TLR6: variants seen among roughly 807,000 people sequenced by gnomAD.
The protein encoded by TLR6 is toll-like receptor 6.
In TLR6, 9 loss-of-function variants were observed where a neutral mutation model predicts 16.1. That is an observed-to-expected ratio of 0.56 (90% CI 0.34 to 0.98). The LOEUF is 0.98. Ranked by LOEUF, TLR6 falls within the 50% of genes least tolerant of loss-of-function variation. TLR6 has a pLI of 0.02. For missense variants in TLR6, 786 were observed against 921.0 expected, an observed-to-expected ratio of 0.85 and a Z score of 1.90; for synonymous variants, 340 against 338.6, an observed-to-expected ratio of 1.00 and a Z score of -0.04.
intron 1 of TLR6, among the ~76,000 whole-genome samples, chr4:38,846,186 CTCTCACAAGAAG>C (rs903540900): frequency 1.3e-5 from 2 of 151,920 alleles, no homozygotes; most frequent in Non-Finnish European, 2.9e-5. Flanking sequence ...TCAACAAGCA[CTCTCACAAGAAG>C]GCTTAAACAC....
At chr4:38,829,054 C>T in exon 2 of TLR6, 1 of 1,614,150 alleles carries the variant, frequency 6.2e-7, no homozygotes, top group Non-Finnish European at 8.5e-7. Context: ...TGCCAAATTC[C>T]TTACAGATGG....
exon 2 of TLR6, chr4:38,824,011 C>A: frequency 6.6e-6 from 1 of 152,444 alleles, no homozygotes; most frequent in Non-Finnish European, 1.5e-5. Flanking sequence ...GGTCGGGCGC[C>A]CGGGCCGCCC....
the TLR6 span, among the ~76,000 whole-genome samples, chr4:38,865,124 A>AT: frequency 6.6e-6 from 1 of 152,176 alleles, no homozygotes; most frequent in African/African-American, 2.4e-5. Flanking sequence ...TATCCGTAAC[A>AT]TTTTTTTCTT....
At chr4:38,855,116 G>A (rs56054004) in intron 1 of TLR6, among the ~76,000 whole-genome samples, 22,012 of 151,540 alleles carry the variant, frequency 0.15, 2,126 homozygotes, top group Middle Eastern at 0.38. Context: ...GGAGGCTGAG[G>A]CAGGAGAATG....
chr4:38,839,807 G>A (rs983552670), intron 1 of TLR6, among the ~76,000 whole-genome samples: 3 of 152,230 alleles, frequency 2.0e-5, no homozygotes, highest in South Asian at 2.1e-4. Flanking sequence ...GTACCAGGTA[G>A]AAAATTGAGC....
chr4:38,854,113 C>A (rs1252321731), intron 1 of TLR6, among the ~76,000 whole-genome samples: 1 of 152,112 alleles, frequency 6.6e-6, no homozygotes, highest in Non-Finnish European at 1.5e-5. Context: ...GTTTACTGTA[C>A]TATTTACTGA....
intron 1 of TLR6, among the ~76,000 whole-genome samples, chr4:38,848,225 G>A (rs1043124810): frequency 1.3e-5 from 2 of 152,228 alleles, no homozygotes; most frequent in African/African-American, 4.8e-5. Flanking sequence ...TGAGGGTCCT[G>A]ACTGTTACAA....
At chr4:38,858,908 G>A (rs200339854), upstream of TLR6, among the ~76,000 whole-genome samples, 4 of 146,928 alleles carry the variant, frequency 2.7e-5, no homozygotes, top group African/African-American at 1.0e-4. Context: ...AGAAAGAAAA[G>A]AAAGAAAGAA....
chr4:38,862,934 A>AG, the TLR6 span, among the ~76,000 whole-genome samples: 5 of 148,526 alleles, frequency 3.4e-5, no homozygotes, highest in African/African-American at 1.2e-4. Flanking sequence ...CCCATCTAAA[A>AG]AAAAAAAAAA....
intron 1 of TLR6, among the ~76,000 whole-genome samples, chr4:38,853,494 T>A (rs1712852873): frequency 6.6e-6 from 1 of 152,290 alleles, no homozygotes; most frequent in Non-Finnish European, 1.5e-5. Context: ...ATTATTATTT[T>A]TAGATTATAA....
chr4:38,838,039 A>G lies in TLR6; in HGVS notation c.-64-8502T>C, dbSNP rs1267549448. ...CAAGGAAGTGCAAATCAAAACCACAACGAGATATCATCTCATTCTAGTTTA... is the reference window on the plus strand; with the variant it reads ...CAAGGAAGTGCAAATCAAAACCACAGCGAGATATCATCTCATTCTAGTTTA... On this transcript the variant is annotated intron_variant, in intron 1 of 1. Transcript: ENST00000436693. Among the ~76,000 whole-genome samples, 6 of 152,306 alleles carry G rather than the reference A, an allele frequency of 3.9e-5. No homozygotes were observed. In the East Asian group the frequency reaches 1.2e-3, roughly 29 times the overall value.
At chr4:38,833,176 G>C (rs556513826) in intron 1 of TLR6, among the ~76,000 whole-genome samples, 1 of 152,280 alleles carries the variant, frequency 6.6e-6, no homozygotes, top group South Asian at 2.1e-4. Context: ...TTGTGCAGGG[G>C]CCCAAGAACC....
At chr4:38,854,930 C>G (rs1018958944) in intron 1 of TLR6, among the ~76,000 whole-genome samples, 1 of 152,028 alleles carries the variant, frequency 6.6e-6, no homozygotes, top group Non-Finnish European at 1.5e-5. Flanking sequence ...AAAATTATGG[C>G]CGGGCGCAGT....
intron 1 of TLR6, among the ~76,000 whole-genome samples, chr4:38,845,077 G>C (rs1465589562): frequency 6.6e-6 from 1 of 152,144 alleles, no homozygotes; most frequent in Non-Finnish European, 1.5e-5. Context: ...TACAAATTAT[G>C]ATAGTCAAAA....
exon 2 of TLR6, chr4:38,823,790 C>G (rs771868415): frequency 6.6e-6 from 1 of 152,228 alleles, no homozygotes; most frequent in Admixed American, 6.5e-5. Context: ...AACAAAAGCG[C>G]GCATCCTACC....
intron 1 of TLR6, among the ~76,000 whole-genome samples, chr4:38,831,849 C>G (rs1294202712): frequency 1.3e-5 from 2 of 152,166 alleles, no homozygotes; most frequent in Non-Finnish European, 2.9e-5. Context: ...AATCCAAAAA[C>G]AACATCAAAT....
chr4:38,860,455 G>C (rs1449664587), upstream of TLR6, among the ~76,000 whole-genome samples: 1 of 148,646 alleles, frequency 6.7e-6, no homozygotes, highest in African/African-American at 2.5e-5. Flanking sequence ...CTGGGCAACA[G>C]AGCGAGACTC....
intron 1 of TLR6, among the ~76,000 whole-genome samples, chr4:38,854,024 C>T (rs1218724372): frequency 1.3e-5 from 2 of 152,140 alleles, no homozygotes; most frequent in Non-Finnish European, 2.9e-5. Flanking sequence ...ATTATCTTTG[C>T]ACAGTAAGAT....
At chr4:38,866,914 A>G in the TLR6 span, among the ~76,000 whole-genome samples, 1 of 152,208 alleles carries the variant, frequency 6.6e-6, no homozygotes, top group African/African-American at 2.4e-5. Flanking sequence ...GAGAGAGGAG[A>G]AAATCTGCCT....
Sources: gnomAD v4.1 joint callset for allele counts (sites outside exome capture counted in the v4.1 genomes callset) on GRCh38, gnomAD v4.1.1 for gene constraint, MANE v1.5 for transcripts, NCBI Gene and HGNC (gene_info 2026-07-23, HGNC 2026-07-21) for gene names.